Variants in MYO10 observed in about 807,000 individuals in gnomAD.
MYO10 encodes the protein unconventional myosin-X.
In MYO10, 133 loss-of-function variants were observed where a neutral mutation model predicts 257.3. The observed-to-expected ratio is 0.52, with a 90% CI of 0.45 to 0.60. The LOEUF is 0.60. Ranked by LOEUF, MYO10 falls within the 20% of genes least tolerant of loss-of-function variation. MYO10 has a pLI of 0.00. For synonymous variants in MYO10, 1,104 were observed against 1,028.6 expected (o/e 1.07, Z -1.40); for missense variants, 2,399 against 2,635.7 (o/e 0.91, Z 1.97).
At chr5:16,720,281 C>T (rs1188867979) in intron 19 of MYO10, among the ~76,000 whole-genome samples, 2 of 152,202 alleles carry the variant, frequency 1.3e-5, no homozygotes, top group Non-Finnish European at 2.9e-5. Flanking sequence ...AGTCAATTGC[C>T]TTTACTGCCT....
At chr5:16,781,879 A>C in intron 5 of MYO10, 50 bp from the exon 6 acceptor site, 1 of 1,594,658 alleles carries the variant, frequency 6.3e-7, no homozygotes, top group South Asian at 1.1e-5. Context: ...GTGGGTCTGA[A>C]GACAGCAATA....
rs1741435767 is a variant in MYO10, at chr5:16,781,888, T to C, written c.603-59A>G. 17 of 1,564,144 alleles carry C rather than the reference T, an allele frequency of 1.1e-5. No individual in the cohort carries two copies. In the Admixed American group the frequency reaches 1.7e-4, roughly 16 times the overall value. On this transcript the variant is annotated intron_variant, in intron 5 of 40. Coordinates refer to ENST00000513610, the MANE Select transcript of MYO10 (RefSeq NM_012334.3). Reference sequence around the variant, plus strand: ...ATAAGGGTGGGTCTGAAGACAGCAATAGCACTTCTCACAAATGTCAAAATA... The same window carrying C: ...ATAAGGGTGGGTCTGAAGACAGCAACAGCACTTCTCACAAATGTCAAAATA...
chr5:16,895,412 G>C (rs1745189084), intron 1 of MYO10, among the ~76,000 whole-genome samples: 1 of 152,138 alleles, frequency 6.6e-6, no homozygotes, highest in Non-Finnish European at 1.5e-5. Flanking sequence ...CGGAGGCTCT[G>C]AGGCCCGAAG....
At chr5:16,796,246 CGAGAGA>C (rs59125385) in intron 3 of MYO10, among the ~76,000 whole-genome samples, 24 of 117,206 alleles carry the variant, frequency 2.0e-4, no homozygotes, top group South Asian at 8.6e-4. Flanking sequence ...AGCGAGCGTG[CGAGAGA>C]GAGAGAGAGA....
intron 36 of MYO10, among the ~76,000 whole-genome samples, chr5:16,673,088 C>T (rs1402224993): frequency 1.3e-5 from 2 of 152,130 alleles, no homozygotes; most frequent in African/African-American, 4.8e-5. Flanking sequence ...GGGCTGATTT[C>T]TTGCAAACCT....
intron 1 of MYO10, among the ~76,000 whole-genome samples, chr5:16,923,494 A>C (rs1163413161): frequency 6.6e-6 from 1 of 151,706 alleles, no homozygotes; most frequent in Non-Finnish European, 1.5e-5. Context: ...TCACTGTGTT[A>C]GCCAGGATGG....
At chr5:16,733,041 G>A (rs1739648503) in intron 19 of MYO10, among the ~76,000 whole-genome samples, 1 of 152,178 alleles carries the variant, frequency 6.6e-6, no homozygotes, top group African/African-American at 2.4e-5. Flanking sequence ...GGCTGAGGCA[G>A]GAGAATCACT....
At chr5:16,925,617 G>A (rs1403674272) in intron 1 of MYO10, among the ~76,000 whole-genome samples, 1 of 151,930 alleles carries the variant, frequency 6.6e-6, no homozygotes, top group Non-Finnish European at 1.5e-5. Context: ...TCACCTTGTT[G>A]GCCAGGCTGG....
In MYO10 at chr5:16,689,875, A is replaced by T. The variant is rs781471694; in HGVS notation, c.3845T>A (p.Ile1282Asn). Reference sequence around the variant, plus strand: ...CAGGTGGAAAGTCCTATCGGCCATAATGATGTCGATCCCATTCTCCTTGGT... The same window carrying T: ...CAGGTGGAAAGTCCTATCGGCCATATTGATGTCGATCCCATTCTCCTTGGT... ...NTTKENGIDI[I>N]MADRTFHLIA... Residue 1282 changes from isoleucine (I) to asparagine (N), a missense_variant, in exon 28 of 41, where the codon ATT becomes AAT. Around this residue, in one of 3 missense-constraint regions of MYO10, gnomAD observed 1,820 missense variants for 1,939.4 expected, o/e 0.94. Coordinates refer to ENST00000513610, the MANE Select transcript of MYO10 (RefSeq NM_012334.3). 2 of 1,613,600 alleles carry T rather than the reference A, an allele frequency of 1.2e-6. No homozygotes were observed. The highest frequency in any genetic ancestry group is 2.7e-5 in the African/African-American group (2 of 74,828).
chr5:16,913,707 T>C (rs985137579), intron 1 of MYO10, among the ~76,000 whole-genome samples: 4 of 152,122 alleles, frequency 2.6e-5, no homozygotes, highest in African/African-American at 9.7e-5. Flanking sequence ...CTGCAACATC[T>C]TGAGTCAGAA....
At position 16,699,408 on chromosome 5, in the gene MYO10, G is replaced by A. The variant is rs143791002; in HGVS notation, c.3556+42C>T. Reference sequence around the variant, plus strand: ...ATCAGCCCGGATAAAATAACGCCTCGCTCTCCCCCTAACCCAGACTCCATG... The same window carrying A: ...ATCAGCCCGGATAAAATAACGCCTCACTCTCCCCCTAACCCAGACTCCATG... On this transcript the variant is annotated intron_variant, in intron 26 of 40. Coordinates refer to ENST00000513610, the MANE Select transcript of MYO10 (RefSeq NM_012334.3). 703 of 1,596,042 alleles carry A rather than the reference G, an allele frequency of 4.4e-4. 2 individuals are homozygous for A. The African/African-American group carries it at 8.2e-3, about 19-fold the overall frequency.
chr5:16,698,443 G>T (rs1397413888), intron 26 of MYO10, among the ~76,000 whole-genome samples: 1 of 151,862 alleles, frequency 6.6e-6, no homozygotes, highest in Non-Finnish European at 1.5e-5. Context: ...AAGTGTTAAG[G>T]TTCAGCAAAG....
intron 2 of MYO10, among the ~76,000 whole-genome samples, chr5:16,865,828 T>TAATAAC (rs1744229658): frequency 6.6e-6 from 1 of 150,744 alleles, no homozygotes; most frequent in African/African-American, 2.4e-5. Context: ...ATAATAATAA[T>TAATAAC]AATAATAGTA....
chr5:16,772,135 C>CTT (rs112723876), intron 9 of MYO10, among the ~76,000 whole-genome samples: 2 of 144,728 alleles, frequency 1.4e-5, no homozygotes, highest in Non-Finnish European at 1.5e-5. Flanking sequence ...ATATTGCATA[C>CTT]TTTTTTTTTT....
rs572307628 is a variant in MYO10, at chr5:16,803,466, A to T, written c.280-8633T>A. On this transcript the variant is annotated intron_variant, in intron 3 of 40. Coordinates refer to ENST00000513610, the MANE Select transcript of MYO10 (RefSeq NM_012334.3). ...TTCAGCATACACACCTTCAAATTTG[A>T]ACCCAAATTAAATAAAAATGTTCTG... Among the ~76,000 whole-genome samples, 4 of 152,328 alleles carry T rather than the reference A, an allele frequency of 2.6e-5. 1 individual carries two copies. In the East Asian group the frequency reaches 7.7e-4, roughly 29 times the overall value.
At chr5:16,895,403 G>T (rs173789) in intron 1 of MYO10, among the ~76,000 whole-genome samples, 24,287 of 152,074 alleles carry the variant, frequency 0.16, 2,869 homozygotes, top group East Asian at 0.33. Flanking sequence ...GCAGCTCACC[G>T]GAGGCTCTGA....
At chr5:16,722,529 T>C (rs752532465) in intron 19 of MYO10, among the ~76,000 whole-genome samples, 6 of 151,942 alleles carry the variant, frequency 3.9e-5, no homozygotes, top group South Asian at 4.2e-4. Flanking sequence ...TTAAAAAGTA[T>C]GTCAATCTAC....
intron 1 of MYO10, among the ~76,000 whole-genome samples, chr5:16,907,856 A>G (rs2126789680): frequency 6.6e-6 from 1 of 152,372 alleles, no homozygotes; most frequent in East Asian, 1.9e-4. Context: ...TGAGCTTTCA[A>G]CTTTACTGGA....
Position 16,923,065 on chromosome 5 carries a change from G to C in MYO10, c.21+12723C>G, listed in dbSNP as rs543122368. Reference sequence around the variant, plus strand: ...AGAAAAGGAAAAAGAGAAGAGGGGAGGGGAGGGTGAACTAGTGCTTTTTCC... The same window carrying C: ...AGAAAAGGAAAAAGAGAAGAGGGGACGGGAGGGTGAACTAGTGCTTTTTCC... On this transcript the variant is annotated intron_variant, in intron 1 of 40. Transcript: ENST00000513610. 9.2e-5 allele frequency among the ~76,000 whole-genome samples: 14 copies of C among 152,072 alleles called. No individual in the cohort carries two copies. In the South Asian group the frequency reaches 2.9e-3, roughly 32 times the overall value.
Sources: allele counts gnomAD v4.1 joint callset (sites outside exome capture counted in the v4.1 genomes callset), GRCh38; gene constraint gnomAD v4.1.1; regional missense constraint gnomAD v4.1.1; transcripts MANE v1.5; gene names NCBI Gene and HGNC (gene_info 2026-07-23, HGNC 2026-07-21).